KIRREL3: variants seen among roughly 807,000 people sequenced by gnomAD.
The protein encoded by KIRREL3 is kirre like nephrin family adhesion molecule 3, also known as kin of IRRE-like protein 3.
KIRREL3 carries 36 observed loss-of-function variants against 89.7 expected under a neutral mutation model. The ratio of observed to expected loss-of-function variants is 0.40; its 90% CI spans 0.31 to 0.53. The LOEUF (loss-of-function observed/expected upper bound fraction) is 0.53, where lower values mean the gene tolerates loss of function less well. KIRREL3 is among the 20% of genes least tolerant of loss of function. KIRREL3 has a pLI of 0.49. For synonymous variants in KIRREL3, 445 were observed against 441.4 expected, an observed-to-expected ratio of 1.01 and a Z score of -0.10; for missense variants, 864 against 1,056.6, an observed-to-expected ratio of 0.82 and a Z score of 2.53.
At chr11:126,720,941 A>G (rs1421854429) in intron 1 of KIRREL3, among the ~76,000 whole-genome samples, 1 of 152,158 alleles carries the variant, frequency 6.6e-6, no homozygotes, top group African/African-American at 2.4e-5. Context: ...ACAATCTGGG[A>G]GAAAGGTCTA....
chr11:126,746,460 T>C (rs1949153955), intron 1 of KIRREL3, among the ~76,000 whole-genome samples: 1 of 152,156 alleles, frequency 6.6e-6, no homozygotes, highest in African/African-American at 2.4e-5. Flanking sequence ...TGACCACCCC[T>C]GTCTTCTGAG....
Position 126,912,274 on chromosome 11 carries a change from G to A in KIRREL3, c.55+88181C>T, listed in dbSNP as rs1034373503. Among the ~76,000 whole-genome samples the A allele has an allele frequency of 2.0e-5, 3 of 152,064 alleles. No individual in the cohort carries two copies. The highest frequency in any genetic ancestry group is 2.4e-5 in the African/African-American group (1 of 41,404). On this transcript the variant is annotated intron_variant, in intron 1 of 16. Coordinates refer to ENST00000525144, the MANE Select transcript of KIRREL3 (RefSeq NM_032531.4). The surrounding 1 kb of genome is among the most constrained non-coding windows in gnomAD (Gnocchi z 4.7). ...CCTTCACCTTCAAGCAGGCTAAACCGGCCGAGAGTGGCTCTGAGGACCTGC... is the reference window on the plus strand; with the variant it reads ...CCTTCACCTTCAAGCAGGCTAAACCAGCCGAGAGTGGCTCTGAGGACCTGC...
At chr11:126,536,634 G>A (rs1053248288) in intron 2 of KIRREL3, among the ~76,000 whole-genome samples, 1 of 145,632 alleles carries the variant, frequency 6.9e-6, no homozygotes, top group Non-Finnish European at 1.5e-5. Flanking sequence ...TCATGGCCCT[G>A]GGCAATGCTT....
chr11:126,561,840 A>G lies in KIRREL3; in HGVS notation c.133+995T>C, dbSNP rs569883340. 6.6e-6 allele frequency among the ~76,000 whole-genome samples: 1 copy of G among 152,170 alleles called. No homozygotes were observed. The highest frequency in any genetic ancestry group is 1.5e-5 in the Non-Finnish European group (1 of 67,994). On this transcript the variant is annotated intron_variant, in intron 2 of 16. Coordinates refer to ENST00000525144, the MANE Select transcript of KIRREL3 (RefSeq NM_032531.4). This position sits in a 1 kb window ranked among gnomAD's most constrained non-coding sequence, Gnocchi z 4.5. ...TCTCAGGCATGGGGAGCGCATGGGG[A>G]TGTGGTTGTCGTGGTCGGGGTTGGG...
At chr11:126,503,912 T>G (rs1957942257) in intron 4 of KIRREL3, among the ~76,000 whole-genome samples, 1 of 151,800 alleles carries the variant, frequency 6.6e-6, no homozygotes, top group Non-Finnish European at 1.5e-5. Context: ...AACTCAAACT[T>G]CCAGGCTCCA....
chr11:126,775,881 G>A (rs1052270668), intron 1 of KIRREL3, among the ~76,000 whole-genome samples: 8 of 152,130 alleles, frequency 5.3e-5, no homozygotes, highest in Admixed American at 2.6e-4. Context: ...GGCAATGTCC[G>A]TGCTCTTTTT....
rs1949885702 is a variant in KIRREL3, at chr11:126,987,015, G to T, written c.55+13440C>A. ...GGTCAAAACCCTTCTGATGTAGAAG[G>T]TCTGGACTGGGGTCCAAAAATGGGG... is the stretch of plus-strand genomic sequence containing the variant. On this transcript the variant is annotated intron_variant, in intron 1 of 16. Transcript: ENST00000525144. The surrounding 1 kb of genome is among the most constrained non-coding windows in gnomAD (Gnocchi z 4.6). Among the ~76,000 whole-genome samples, 3 of 152,178 alleles carry T rather than the reference G, an allele frequency of 2.0e-5. No homozygotes were observed. Among genetic ancestry groups the T allele is most frequent in the Admixed American group, 1.3e-4 (2 of 15,276 alleles).
intron 1 of KIRREL3, among the ~76,000 whole-genome samples, chr11:126,721,391 A>G (rs1217812535): frequency 6.6e-6 from 1 of 152,022 alleles, no homozygotes; most frequent in Non-Finnish European, 1.5e-5. Context: ...TTAGCTGGGT[A>G]TAGTGGTGCA....
In KIRREL3 at chr11:126,969,775, T is replaced by C. The variant is rs1308895932; in HGVS notation, c.55+30680A>G. Among the ~76,000 whole-genome samples, 2 of 152,180 alleles carry C rather than the reference T, an allele frequency of 1.3e-5. No individual in the cohort carries two copies. Among genetic ancestry groups the C allele is most frequent in the Non-Finnish European group, 2.9e-5 (2 of 68,022 alleles). On this transcript the variant is annotated intron_variant, in intron 1 of 16. Coordinates refer to ENST00000525144, the MANE Select transcript of KIRREL3 (RefSeq NM_032531.4). This position sits in a 1 kb window ranked among gnomAD's most constrained non-coding sequence, Gnocchi z 4.9. ...TGTAGATCCCTTCAAAGCTGGAGAT[T>C]GGTGCCTTCCGGGATTCTGCCATTG...
At chr11:126,545,008 A>G (rs1198868336) in intron 2 of KIRREL3, among the ~76,000 whole-genome samples, 1 of 152,182 alleles carries the variant, frequency 6.6e-6, no homozygotes, top group Non-Finnish European at 1.5e-5. Context: ...ACTAAGCCCA[A>G]TATTGCCTGC....
At chr11:126,928,604 C>T (rs1188921443) in intron 1 of KIRREL3, among the ~76,000 whole-genome samples, 1 of 152,132 alleles carries the variant, frequency 6.6e-6, no homozygotes, top group Non-Finnish European at 1.5e-5. Context: ...AGGACTGGGG[C>T]TATTTCAGAA....
chr11:126,718,215 G>A (rs377575745), intron 1 of KIRREL3, among the ~76,000 whole-genome samples: 1 of 152,086 alleles, frequency 6.6e-6, no homozygotes, highest in South Asian at 2.1e-4. Context: ...TCAGGCAGGC[G>A]GGCCCACCCA....
chr11:126,473,174 C>T, intron 5 of KIRREL3, 135 bp downstream of exon 5: 1 of 396,490 alleles, frequency 2.5e-6, no homozygotes, highest in Non-Finnish European at 3.7e-6. Flanking sequence ...CTAGTCCCCT[C>T]CTAATCCAGC....
At chr11:126,504,157 C>T (rs1261463866) in intron 4 of KIRREL3, among the ~76,000 whole-genome samples, 1 of 152,160 alleles carries the variant, frequency 6.6e-6, no homozygotes, top group Admixed American at 6.5e-5. Context: ...CACCAAAAAC[C>T]TTGGCATCAT....
At position 126,983,363 on chromosome 11, in the gene KIRREL3, T is replaced by C. The variant is rs1949767516; in HGVS notation, c.55+17092A>G. On this transcript the variant is annotated intron_variant, in intron 1 of 16. Coordinates refer to ENST00000525144, the MANE Select transcript of KIRREL3 (RefSeq NM_032531.4). The surrounding 1 kb of genome is among the most constrained non-coding windows in gnomAD (Gnocchi z 4.9). ...TCTGAAAGGGAGGGCTCATCTAACG[T>C]CTGCCTTTGGTTCTTGCGGTAGACA... 6.6e-6 allele frequency among the ~76,000 whole-genome samples: 1 copy of C among 152,218 alleles called. No homozygotes were observed. The highest frequency in any genetic ancestry group is 2.1e-4 in the South Asian group (1 of 4,832).
Position 126,436,854 on chromosome 11 carries a change from G to A in KIRREL3, c.1509C>T (p.Asn503=). The A allele has an allele frequency of 1.2e-6, 2 of 1,613,778 alleles. No homozygotes were observed. The highest frequency in any genetic ancestry group is 1.7e-4 in the Middle Eastern group (1 of 5,850). Residue 503 remains asparagine (N), a synonymous_variant, in exon 12 of 17, where the codon AAC becomes AAT. Transcript: ENST00000525144. Reference sequence around the variant, plus strand: ...TGATCTCAGTGTCGGAGCCGAAGCTGTTCCAGGCCGTGCAGTTGTAGATGG... The same window carrying A: ...TGATCTCAGTGTCGGAGCCGAAGCTATTCCAGGCCGTGCAGTTGTAGATGG... ...FQTIYNCTAW[N]SFGSDTEIIR...
intron 2 of KIRREL3, among the ~76,000 whole-genome samples, chr11:126,560,067 T>A (rs796343711): frequency 1.3e-5 from 2 of 152,316 alleles, no homozygotes; most frequent in African/African-American, 4.8e-5. Flanking sequence ...ATTCAATGAC[T>A]GTTTGATGAA....
rs569363763 is a variant in KIRREL3, at chr11:126,520,308, G to A, written c.433+1007C>T. ...GCTTTCCCACTTCCCTCCTGCACGC[G>A]TGCCTGGCACAGACTCACGTGTAAG... On this transcript the variant is annotated intron_variant, in intron 4 of 16. Coordinates refer to ENST00000525144, the MANE Select transcript of KIRREL3 (RefSeq NM_032531.4). The surrounding 1 kb of genome is among the most constrained non-coding windows in gnomAD (Gnocchi z 4.9). Among the ~76,000 whole-genome samples the A allele has an allele frequency of 2.2e-4, 33 of 152,292 alleles. No individual in the cohort carries two copies. The highest frequency in any genetic ancestry group is 1.0e-3 in the South Asian group (5 of 4,834).
intron 4 of KIRREL3, among the ~76,000 whole-genome samples, chr11:126,478,740 TGTAA>T (rs765163539): frequency 3.6e-4 from 55 of 152,118 alleles, no homozygotes; most frequent in Middle Eastern, 3.4e-3. Flanking sequence ...TACATGTGTA[TGTAA>T]GTGTGTGTGT....
Sources: allele counts gnomAD v4.1 joint callset (sites outside exome capture counted in the v4.1 genomes callset), GRCh38; gene constraint gnomAD v4.1.1; non-coding constraint Gnocchi (gnomAD v3.1); transcripts MANE v1.5; gene names NCBI Gene and HGNC (gene_info 2026-07-23, HGNC 2026-07-21).